WDPCP: variants seen among roughly 807,000 people sequenced by gnomAD.
WDPCP encodes WD repeat-containing and planar cell polarity effector protein fritz homolog.
WDPCP carries 71 observed loss-of-function variants against 93.1 expected under a neutral mutation model. The ratio of observed to expected loss-of-function variants is 0.76; its 90% CI spans 0.63 to 0.93. The LOEUF (loss-of-function observed/expected upper bound fraction) is 0.93. Ranked by LOEUF, WDPCP falls within the 40% of genes least tolerant of loss-of-function variation. The probability of loss-of-function intolerance (pLI) is 0.00; values close to 1 mark genes in which losing one functional copy is unlikely to be tolerated. For missense variants in WDPCP, 844 were observed against 887.4 expected, an observed-to-expected ratio of 0.95 and a Z score of 0.62; for synonymous variants, 315 against 315.0, an observed-to-expected ratio of 1.00 and a Z score of 0.00.
chr2:63,604,904 G>A, intron 3 of WDPCP: 1 of 1,606,908 alleles, frequency 6.2e-7, no homozygotes, highest in Admixed American at 1.7e-5. Flanking sequence ...TCTTAACACT[G>A]AGCGTAAAGA....
chr2:63,622,745 G>C (rs1709759899), intron 3 of WDPCP: 1 of 1,613,162 alleles, frequency 6.2e-7, no homozygotes, highest in Non-Finnish European at 8.5e-7. Flanking sequence ...GTTTGCTATA[G>C]GGATTCGGGT....
intron 2 of WDPCP, among the ~76,000 whole-genome samples, chr2:63,755,532 A>C (rs1460064591): frequency 6.6e-6 from 1 of 152,224 alleles, no homozygotes; most frequent in Non-Finnish European, 1.5e-5. Flanking sequence ...GACAAGAATA[A>C]CTAAAATAAC....
intron 6 of WDPCP, among the ~76,000 whole-genome samples, chr2:63,457,590 C>T (rs1391395294): frequency 6.6e-6 from 1 of 152,108 alleles, no homozygotes; most frequent in Non-Finnish European, 1.5e-5. Flanking sequence ...AACAGCACAT[C>T]AAATGATAAT....
intron 10 of WDPCP, among the ~76,000 whole-genome samples, chr2:63,383,973 C>T (rs934537595): frequency 2.6e-5 from 4 of 152,144 alleles, no homozygotes; most frequent in South Asian, 4.2e-4. Context: ...GTTTTAAAAT[C>T]GTAAGAGCAT....
intron 2 of WDPCP, among the ~76,000 whole-genome samples, chr2:63,782,303 A>G (rs1670406703): frequency 6.6e-6 from 1 of 152,216 alleles, no homozygotes. Context: ...CAAAACCAAA[A>G]ATAGACAAAT....
chr2:63,831,251 G>A (rs1671188570), upstream of WDPCP, among the ~76,000 whole-genome samples: 1 of 152,138 alleles, frequency 6.6e-6, no homozygotes, highest in African/African-American at 2.4e-5. Flanking sequence ...ACTGCATTTA[G>A]GATAAATTTA....
At chr2:63,319,534 A>G (rs1686926646) in intron 12 of WDPCP, among the ~76,000 whole-genome samples, 1 of 152,232 alleles carries the variant, frequency 6.6e-6, no homozygotes, top group South Asian at 2.1e-4. Flanking sequence ...AGTTATATTT[A>G]TTGGATACAC....
At chr2:63,526,992 C>T (rs1703386160) in intron 1 of WDPCP, among the ~76,000 whole-genome samples, 1 of 152,138 alleles carries the variant, frequency 6.6e-6, no homozygotes. Context: ...TGAAACAAGG[C>T]TTCCTCATAA....
intron 12 of WDPCP, among the ~76,000 whole-genome samples, chr2:63,367,543 AAG>A (rs1691012854): frequency 6.6e-6 from 1 of 152,174 alleles, no homozygotes; most frequent in African/African-American, 2.4e-5. Context: ...TTATAGTAGC[AAG>A]ACACTGGAAA....
chr2:63,752,551 C>T (rs1669899782), intron 2 of WDPCP: 2 of 673,578 alleles, frequency 3.0e-6, no homozygotes, highest in Non-Finnish European at 5.3e-6. Flanking sequence ...GGCTCCTCAG[C>T]CTCTCATCAG....
chr2:63,376,479 T>C (rs1419312539), intron 12 of WDPCP, among the ~76,000 whole-genome samples: 4 of 151,912 alleles, frequency 2.6e-5, no homozygotes, highest in South Asian at 2.1e-4. Flanking sequence ...GTTACAAATA[T>C]GATGCTTATG....
intron 14 of WDPCP, among the ~76,000 whole-genome samples, chr2:63,194,045 A>AT (rs1675233572): frequency 6.6e-6 from 1 of 152,156 alleles, no homozygotes; most frequent in South Asian, 2.1e-4. Flanking sequence ...AGCTTGAGAA[A>AT]ACCACATACT....
At chr2:63,269,308 A>C (rs1033334510) in intron 13 of WDPCP, among the ~76,000 whole-genome samples, 2 of 152,284 alleles carry the variant, frequency 1.3e-5, no homozygotes, top group Admixed American at 1.3e-4. Context: ...TCATTTGCCA[A>C]TTTGACTTAT....
chr2:63,170,656 C>A (rs116572268), intron 15 of WDPCP, among the ~76,000 whole-genome samples: 114 of 152,238 alleles, frequency 7.5e-4, no homozygotes, highest in African/African-American at 2.6e-3. Flanking sequence ...TGGTGTTATA[C>A]AGTTTTCTTT....
intron 2 of WDPCP, among the ~76,000 whole-genome samples, chr2:63,659,928 C>A (rs1710208078): frequency 6.6e-6 from 1 of 152,120 alleles, no homozygotes; most frequent in Admixed American, 6.5e-5. Context: ...ATAATCCAAT[C>A]ATTTTAATAA....
At chr2:63,225,246 C>A (rs1285563625) in intron 14 of WDPCP, among the ~76,000 whole-genome samples, 1 of 151,664 alleles carries the variant, frequency 6.6e-6, no homozygotes, top group Non-Finnish European at 1.5e-5. Context: ...AGGCAGAAGG[C>A]AAAAGTCTTG....
intron 14 of WDPCP, among the ~76,000 whole-genome samples, chr2:63,241,138 G>A (rs1679827063): frequency 6.6e-6 from 1 of 152,114 alleles, no homozygotes; most frequent in Admixed American, 6.6e-5. Context: ...TACTTAATAA[G>A]ATTACTGAAA....
intron 6 of WDPCP, among the ~76,000 whole-genome samples, chr2:63,472,165 TTTC>T (rs943803641): frequency 1.3e-5 from 2 of 151,990 alleles, no homozygotes; most frequent in African/African-American, 4.8e-5. Flanking sequence ...CTTGCTGTTT[TTTC>T]TTTTCTTTTT....
chr2:63,725,810 A>AG (rs1206518713), intron 2 of WDPCP, among the ~76,000 whole-genome samples: 2 of 151,982 alleles, frequency 1.3e-5, no homozygotes, highest in East Asian at 3.9e-4. Context: ...GATGTTGAGC[A>AG]TTTTTTTCAT....
Sources: gnomAD v4.1 joint callset for allele counts (sites outside exome capture counted in the v4.1 genomes callset) on GRCh38, gnomAD v4.1.1 for gene constraint, MANE v1.5 for transcripts, NCBI Gene and HGNC (gene_info 2026-07-23, HGNC 2026-07-21) for gene names.